The following PDZRN3 variants were observed in gnomAD, a reference collection of about 807,000 sequenced individuals.
PDZRN3 encodes the protein E3 ubiquitin-protein ligase PDZRN3.
A neutral mutation model predicts 85.7 loss-of-function variants in PDZRN3; 38 were observed. That is an observed-to-expected ratio of 0.44 (90% confidence interval 0.34 to 0.58). The LOEUF is 0.58. Among genes scored for constraint, PDZRN3 ranks in the 20% least tolerant of loss-of-function variants. The pLI, the probability that PDZRN3 is intolerant of heterozygous loss-of-function variation, is 0.01. For synonymous variants in PDZRN3, 759 were observed against 638.0 expected (o/e 1.19, Z -2.86); for missense variants, 1,629 against 1,506.4 (o/e 1.08, Z -1.35).
rs112113181 is a variant in PDZRN3 at position 73,473,238 on chromosome 3, G to A, written c.919-68843C>T. Among the ~76,000 whole-genome samples the A allele has an allele frequency of 3.6e-3, 551 of 152,094 alleles. 3 individuals are homozygous for A. The highest frequency in any genetic ancestry group is 0.012 in the African/African-American group (495 of 41,472). On this transcript the variant is annotated intron_variant, in intron 3 of 9. Transcript: ENST00000263666. ...TAGTTCTCTGACCAAAAACTCTTTCGCAGAAATATTTTTTTTTCTCTTTGT... is the reference window on the plus strand; with the variant it reads ...TAGTTCTCTGACCAAAAACTCTTTCACAGAAATATTTTTTTTTCTCTTTGT...
intron 2 of PDZRN3, among the ~76,000 whole-genome samples, chr3:73,605,128 GC>G (rs1397311807): frequency 6.6e-6 from 1 of 151,738 alleles, no homozygotes; most frequent in Non-Finnish European, 1.5e-5. Context: ...GATGGCTTGA[GC>G]CTGGGAGGCA....
At chr3:73,517,568 G>A (rs984706344) in intron 3 of PDZRN3, among the ~76,000 whole-genome samples, 1 of 152,154 alleles carries the variant, frequency 6.6e-6, no homozygotes, top group Non-Finnish European at 1.5e-5. Flanking sequence ...ATGTACACAA[G>A]AGAATATTCT....
chr3:73,512,931 C>A (rs1704193899), intron 3 of PDZRN3, among the ~76,000 whole-genome samples: 1 of 152,208 alleles, frequency 6.6e-6, no homozygotes, highest in Non-Finnish European at 1.5e-5. Flanking sequence ...CTACCATACA[C>A]ATGGACTTGT....
chr3:73,459,318 T>C (rs938259834), intron 3 of PDZRN3, among the ~76,000 whole-genome samples: 1 of 152,188 alleles, frequency 6.6e-6, no homozygotes, highest in Non-Finnish European at 1.5e-5. Flanking sequence ...CCAAACCATA[T>C]CATGAATTAA....
chr3:73,493,538 T>C (rs939098784), intron 3 of PDZRN3, among the ~76,000 whole-genome samples: 4 of 151,838 alleles, frequency 2.6e-5, no homozygotes, highest in Admixed American at 1.3e-4. Context: ...TCATGGAAAA[T>C]CAGAGAGACT....
At chr3:73,540,782 C>A (rs1256397783) in intron 3 of PDZRN3, among the ~76,000 whole-genome samples, 1 of 152,126 alleles carries the variant, frequency 6.6e-6, no homozygotes, top group Non-Finnish European at 1.5e-5. Context: ...TTCTTTATGG[C>A]AGCATGAGAA....
chr3:73,428,521 C>T (rs971896985), intron 3 of PDZRN3, among the ~76,000 whole-genome samples: 3 of 152,078 alleles, frequency 2.0e-5, no homozygotes, highest in African/African-American at 7.2e-5. Flanking sequence ...GCCAAATTAA[C>T]ATATATATGG....
At chr3:73,588,892 T>C (rs1702314656) in intron 3 of PDZRN3, among the ~76,000 whole-genome samples, 1 of 152,202 alleles carries the variant, frequency 6.6e-6, no homozygotes, top group Non-Finnish European at 1.5e-5. Flanking sequence ...TGATGATCGA[T>C]GCAAAATGCT....
intron 3 of PDZRN3, among the ~76,000 whole-genome samples, chr3:73,591,197 A>T (rs1256507123): frequency 6.6e-6 from 1 of 152,210 alleles, no homozygotes; most frequent in Non-Finnish European, 1.5e-5. Flanking sequence ...AGAAAGATGA[A>T]CTGTTCCTAA....
chr3:73,453,332 G>T (rs570210878), intron 3 of PDZRN3, among the ~76,000 whole-genome samples: 5 of 150,718 alleles, frequency 3.3e-5, no homozygotes, highest in South Asian at 2.1e-4. Flanking sequence ...CTTGAAGCCG[G>T]GAGGCGGAGG....
chr3:73,426,228 T>C (rs1204077261), intron 3 of PDZRN3, among the ~76,000 whole-genome samples: 1 of 152,172 alleles, frequency 6.6e-6, no homozygotes, highest in African/African-American at 2.4e-5. Flanking sequence ...ATCATGTATA[T>C]ACAGCAACTT....
At chr3:73,461,739 T>C (rs6763150) in intron 3 of PDZRN3, among the ~76,000 whole-genome samples, 8,653 of 152,198 alleles carry the variant, frequency 0.057, 813 homozygotes, top group African/African-American at 0.2. Context: ...CATGTGTACA[T>C]AAAAAAAGTA....
In PDZRN3 at chr3:73,396,665, T is replaced by C. The variant is rs1479453073; in HGVS notation, c.1254+4257A>G. Among the ~76,000 whole-genome samples, 3 of 152,338 alleles carry C rather than the reference T, an allele frequency of 2.0e-5. No individual in the cohort carries two copies. In the East Asian group the frequency reaches 5.8e-4, roughly 29 times the overall value. ...TTCCTTTCCTTTCTGGTCTCAGAAT[T>C]ACATCCTGAGAATACAATACAGGTG... On this transcript the variant is annotated intron_variant, in intron 5 of 9. Coordinates refer to ENST00000263666, the MANE Select transcript of PDZRN3 (RefSeq NM_015009.3).
chr3:73,435,943 C>T lies in PDZRN3; in HGVS notation c.919-31548G>A, dbSNP rs181799805. On this transcript the variant is annotated intron_variant, in intron 3 of 9. Coordinates refer to ENST00000263666, the MANE Select transcript of PDZRN3 (RefSeq NM_015009.3). ...CACCTTTGTCCATCAATGTCTCATA[C>T]CCATCATTGCTCACCCACTCTGGTG... is the stretch of plus-strand genomic sequence containing the variant. Among the ~76,000 whole-genome samples the T allele has an allele frequency of 1.5e-3, 229 of 152,314 alleles. 1 individual carries two copies. The highest frequency in any genetic ancestry group is 5.2e-3 in the African/African-American group (216 of 41,572).
chr3:73,428,839 G>C (rs1019108683), intron 3 of PDZRN3, among the ~76,000 whole-genome samples: 1 of 151,820 alleles, frequency 6.6e-6, no homozygotes, highest in African/African-American at 2.4e-5. Context: ...CCATATGCTG[G>C]CTCCATATTC....
At chr3:73,454,807 G>C (rs767581623) in intron 3 of PDZRN3, among the ~76,000 whole-genome samples, 1 of 151,928 alleles carries the variant, frequency 6.6e-6, no homozygotes, top group Non-Finnish European at 1.5e-5. Flanking sequence ...TTAAAAGCAT[G>C]AACAAATACT....
intron 3 of PDZRN3, among the ~76,000 whole-genome samples, chr3:73,562,925 A>G (rs995197295): frequency 1.4e-5 from 2 of 143,600 alleles, no homozygotes; most frequent in African/African-American, 5.2e-5. Flanking sequence ...ATGAATGGAA[A>G]ATACATTTTC....
chr3:73,501,086 T>C (rs1703968780), intron 3 of PDZRN3, among the ~76,000 whole-genome samples: 1 of 152,210 alleles, frequency 6.6e-6, no homozygotes, highest in African/African-American at 2.4e-5. Flanking sequence ...TACTTGTAAT[T>C]TTTGAAACTC....
chr3:73,621,127 A>G (rs1207220473), intron 1 of PDZRN3, among the ~76,000 whole-genome samples: 1 of 152,214 alleles, frequency 6.6e-6, no homozygotes, highest in East Asian at 1.9e-4. Context: ...GAGACTGAGG[A>G]ATCTGTGTTA....
Sources: gnomAD v4.1 joint callset for allele counts (sites outside exome capture counted in the v4.1 genomes callset) on GRCh38, gnomAD v4.1.1 for gene constraint, MANE v1.5 for transcripts, NCBI Gene and HGNC (gene_info 2026-07-23, HGNC 2026-07-21) for gene names.